TMEM232: variants seen among roughly 807,000 people sequenced by gnomAD.
The protein encoded by TMEM232 is transmembrane protein 232.
Under a neutral mutation model 78.8 loss-of-function variants are expected in TMEM232, and 80 were observed. The ratio of observed to expected loss-of-function variants is 1.01; its 90% CI spans 0.85 to 1.22. The LOEUF is 1.22. Among genes scored for constraint, TMEM232 ranks in the 50% most tolerant of loss-of-function variants. TMEM232 has a pLI of 0.00. For missense variants in TMEM232, 881 were observed against 742.2 expected (o/e 1.19, Z -2.17); for synonymous variants, 297 against 254.3 (o/e 1.17, Z -1.60).
chr5:110,629,663 T>C (rs779257883), intron 5 of TMEM232, among the ~76,000 whole-genome samples: 13 of 152,180 alleles, frequency 8.5e-5, no homozygotes, highest in Non-Finnish European at 1.6e-4. Context: ...TCTCTTTTTT[T>C]CTGATACTTT....
chr5:110,390,245 T>C (rs1483788787), intron 4 of TMEM232, among the ~76,000 whole-genome samples: 1 of 152,220 alleles, frequency 6.6e-6, no homozygotes, highest in Admixed American at 6.5e-5. Context: ...GTTTGACTGA[T>C]ACAATCTCAC....
intron 12 of TMEM232, among the ~76,000 whole-genome samples, chr5:110,437,173 T>A (rs1758527653): frequency 6.6e-6 from 1 of 152,062 alleles, no homozygotes; most frequent in Admixed American, 6.6e-5. Flanking sequence ...ACTTCTTTGG[T>A]TAATTCCTAT....
At chr5:110,571,379 C>A in intron 10 of TMEM232, among the ~76,000 whole-genome samples, 1 of 152,028 alleles carries the variant, frequency 6.6e-6, no homozygotes, top group East Asian at 1.9e-4. Context: ...CACAAGCTTT[C>A]AAGGACAAAA....
chr5:110,439,525 G>A (rs1758798644), intron 12 of TMEM232, among the ~76,000 whole-genome samples: 1 of 151,858 alleles, frequency 6.6e-6, no homozygotes, highest in African/African-American at 2.4e-5. Context: ...TTGGGCTTCT[G>A]CCATTCCTAG....
intron 12 of TMEM232, among the ~76,000 whole-genome samples, chr5:110,456,482 T>C (rs1367196592): frequency 6.6e-6 from 1 of 152,126 alleles, no homozygotes; most frequent in Non-Finnish European, 1.5e-5. Flanking sequence ...TAAACTAATA[T>C]AGAGATGCAA....
chr5:110,518,668 C>T (rs1769045984), intron 12 of TMEM232, among the ~76,000 whole-genome samples: 1 of 152,036 alleles, frequency 6.6e-6, no homozygotes, highest in Non-Finnish European at 1.5e-5. Flanking sequence ...TTCTGTTGAC[C>T]ATTTGTGTAC....
chr5:110,733,673 G>C (rs1798895645), intron 2 of TMEM232, among the ~76,000 whole-genome samples: 1 of 152,060 alleles, frequency 6.6e-6, no homozygotes, highest in South Asian at 2.1e-4. Context: ...CAGACACTGG[G>C]GCCTACTTGA....
At chr5:110,658,444 T>C (rs996894423) in intron 2 of TMEM232, among the ~76,000 whole-genome samples, 8 of 152,122 alleles carry the variant, frequency 5.3e-5, no homozygotes, top group Non-Finnish European at 8.8e-5. Context: ...TTGGTAGTTA[T>C]GAATAAAGAA....
intron 11 of TMEM232, 142 bp from the exon 12 acceptor site, chr5:110,528,977 TA>T: frequency 3.2e-6 from 3 of 924,022 alleles, no homozygotes; most frequent in Non-Finnish European, 1.4e-6. Flanking sequence ...ATAATCTTTA[TA>T]AAAAAATTGC....
At chr5:110,566,050 G>C (rs2149676180) in intron 11 of TMEM232, among the ~76,000 whole-genome samples, 1 of 151,424 alleles carries the variant, frequency 6.6e-6, no homozygotes, top group East Asian at 2.0e-4. Context: ...TCCAGATTTT[G>C]TGATTAATAA....
At chr5:110,429,603 GTTT>G (rs1394421122) in intron 12 of TMEM232, among the ~76,000 whole-genome samples, 1 of 151,522 alleles carries the variant, frequency 6.6e-6, no homozygotes, top group Non-Finnish European at 1.5e-5. Context: ...ATAAAATATT[GTTT>G]TTATCTCAGG....
intron 12 of TMEM232, among the ~76,000 whole-genome samples, chr5:110,438,295 T>C (rs1272627167): frequency 1.3e-5 from 2 of 151,630 alleles, no homozygotes; most frequent in Non-Finnish European, 2.9e-5. Flanking sequence ...TCCTTCAGCT[T>C]GGTCAGGTTT....
intron 5 of TMEM232, 94 bp from the exon 6 acceptor site, chr5:110,627,974 C>T (rs549215251): frequency 2.2e-6 from 2 of 891,296 alleles, no homozygotes; most frequent in South Asian, 1.7e-5. Flanking sequence ...ATTACATTTT[C>T]TTTTGAGAAA....
At chr5:110,597,545 C>T (rs1220534928) in intron 10 of TMEM232, among the ~76,000 whole-genome samples, 9 of 151,498 alleles carry the variant, frequency 5.9e-5, no homozygotes, top group Non-Finnish European at 8.8e-5. Context: ...AAAAAGAGCC[C>T]GCATCGCCAA....
intron 6 of TMEM232, among the ~76,000 whole-genome samples, chr5:110,626,882 C>T (rs1239658346): frequency 1.3e-5 from 2 of 152,012 alleles, no homozygotes; most frequent in African/African-American, 2.4e-5. Flanking sequence ...TCCCTTATTT[C>T]CCTTTTCCTG....
chr5:110,449,834 A>G (rs1007562809), intron 12 of TMEM232, among the ~76,000 whole-genome samples: 1 of 151,944 alleles, frequency 6.6e-6, no homozygotes, highest in Non-Finnish European at 1.5e-5. Context: ...CTTTTTCTCT[A>G]TTTTGGTAAA....
chr5:110,443,733 C>A (rs1412025866), intron 12 of TMEM232, among the ~76,000 whole-genome samples: 1 of 152,188 alleles, frequency 6.6e-6, no homozygotes, highest in Non-Finnish European at 1.5e-5. Context: ...AGCCAACAGC[C>A]TACGGCGTAC....
chr5:110,511,798 C>T (rs771866105), intron 12 of TMEM232, among the ~76,000 whole-genome samples: 5 of 152,166 alleles, frequency 3.3e-5, no homozygotes, highest in African/African-American at 7.2e-5. Flanking sequence ...CCACTCCTCA[C>T]TCTACCACAT....
intron 12 of TMEM232, among the ~76,000 whole-genome samples, chr5:110,471,293 G>A (rs957679650): frequency 3.3e-5 from 5 of 152,056 alleles, no homozygotes; most frequent in Non-Finnish European, 4.4e-5. Flanking sequence ...TGTATTATGG[G>A]AATTCCAGAA....
Sources: allele counts gnomAD v4.1 joint callset (sites outside exome capture counted in the v4.1 genomes callset), GRCh38; gene constraint gnomAD v4.1.1; transcripts MANE v1.5; gene names NCBI Gene and HGNC (gene_info 2026-07-23, HGNC 2026-07-21).